The following RIMBP2 variants were observed in gnomAD, a reference collection of about 807,000 sequenced individuals.
RIMBP2 encodes the protein RIMS-binding protein 2.
A neutral mutation model predicts 118.6 loss-of-function variants in RIMBP2; 48 were observed. That is an observed-to-expected ratio of 0.40 (90% CI 0.32 to 0.51). RIMBP2 has a LOEUF of 0.51. Among genes scored for constraint, RIMBP2 ranks in the 20% least tolerant of loss-of-function variants. The pLI is 0.41. For synonymous variants in RIMBP2, 762 were observed against 742.9 expected, an observed-to-expected ratio of 1.03 and a Z score of -0.42; for missense variants, 1,551 against 1,768.3, an observed-to-expected ratio of 0.88 and a Z score of 2.20.
intron 2 of RIMBP2, among the ~76,000 whole-genome samples, chr12:130,618,508 C>G (rs1476400434): frequency 2.0e-5 from 3 of 152,108 alleles, no homozygotes; most frequent in Non-Finnish European, 4.4e-5. Context: ...CCTGAAACAT[C>G]CCGGTGTTCA....
chr12:130,703,910 G>A lies in RIMBP2; in HGVS notation c.-352+12312C>T, dbSNP rs1593041395. Among the ~76,000 whole-genome samples, 1 of 152,086 alleles carries A rather than the reference G, an allele frequency of 6.6e-6. No homozygotes were observed. Among genetic ancestry groups the A allele is most frequent in the African/African-American group, 2.4e-5 (1 of 41,418 alleles). ...AGAGGTCTGGGGCCCGACCACCCTG[G>A]GAGGCAGTGCCCCAGCTGTGCTCAC... On this transcript the variant is annotated intron_variant, in intron 1 of 22. Transcript: ENST00000690449. This position sits in a 1 kb window ranked among gnomAD's most constrained non-coding sequence, Gnocchi z 5.7.
Position 130,670,427 on chromosome 12 carries a change from C to T in RIMBP2, c.-351-41971G>A, listed in dbSNP as rs934899983. ...GTAGTCATGTGGGTTCTCATGAACA[C>T]GCCAGCCCTGCTCTCTCTCCTAGCT... On this transcript the variant is annotated intron_variant, in intron 1 of 22. Transcript: ENST00000690449. The surrounding 1 kb of genome is among the most constrained non-coding windows in gnomAD (Gnocchi z 4.9). Among the ~76,000 whole-genome samples the T allele has an allele frequency of 2.0e-5, 3 of 152,176 alleles. No individual in the cohort carries two copies. Among genetic ancestry groups the T allele is most frequent in the Admixed American group, 6.5e-5 (1 of 15,284 alleles).
chr12:130,687,096 C>T (rs553055881), intron 1 of RIMBP2, among the ~76,000 whole-genome samples: 2 of 152,238 alleles, frequency 1.3e-5, no homozygotes, highest in African/African-American at 4.8e-5. Flanking sequence ...GTCATTATAG[C>T]TTTTTTCAGG....
At chr12:130,626,139 T>C (rs890695419) in intron 2 of RIMBP2, among the ~76,000 whole-genome samples, 6 of 152,236 alleles carry the variant, frequency 3.9e-5, no homozygotes, top group Non-Finnish European at 5.9e-5. Context: ...TCTATTGTAA[T>C]GAGAAACAAA....
At chr12:130,409,931 T>C (rs1310369297) in intron 19 of RIMBP2, among the ~76,000 whole-genome samples, 1 of 152,238 alleles carries the variant, frequency 6.6e-6, no homozygotes, top group Non-Finnish European at 1.5e-5. Flanking sequence ...GTTGTTGGAT[T>C]GTATTGTAAG....
At chr12:130,694,593 A>G (rs10848187) in intron 1 of RIMBP2, among the ~76,000 whole-genome samples, 10,150 of 152,110 alleles carry the variant, frequency 0.067, 1,136 homozygotes, top group African/African-American at 0.23. Flanking sequence ...CTTCCTGGAA[A>G]GCTCCTTTCC....
chr12:130,445,108 C>A, intron 10 of RIMBP2, 52 bp downstream of exon 10: 1 of 1,199,056 alleles, frequency 8.3e-7, no homozygotes, highest in South Asian at 1.5e-5. Flanking sequence ...AGGTGGTCTG[C>A]GGGGTGGACT....
At chr12:130,604,024 G>A (rs369489875) in intron 2 of RIMBP2, among the ~76,000 whole-genome samples, 6 of 152,230 alleles carry the variant, frequency 3.9e-5, no homozygotes, top group South Asian at 4.1e-4. Context: ...CGCTCCACGC[G>A]TGCTTTGCCC....
chr12:130,572,828 G>A (rs907319745), intron 2 of RIMBP2, among the ~76,000 whole-genome samples: 1 of 152,120 alleles, frequency 6.6e-6, no homozygotes, highest in African/African-American at 2.4e-5. Flanking sequence ...ACGGGACGGG[G>A]CCAGAGGGAT....
intron 21 of RIMBP2, among the ~76,000 whole-genome samples, chr12:130,401,128 T>A (rs149045508): frequency 3.9e-5 from 6 of 152,142 alleles, no homozygotes; most frequent in Non-Finnish European, 5.9e-5. Flanking sequence ...CTTTTTTTTT[T>A]AAATTGAGAC....
At chr12:130,604,419 C>T (rs1484427150) in intron 2 of RIMBP2, among the ~76,000 whole-genome samples, 1 of 149,882 alleles carries the variant, frequency 6.7e-6, no homozygotes, top group Non-Finnish European at 1.5e-5. Context: ...GTTCAGTGTC[C>T]ATAAAGCCTA....
chr12:130,400,972 G>A (rs10848095), intron 21 of RIMBP2, among the ~76,000 whole-genome samples: 25,213 of 152,170 alleles, frequency 0.17, 2,613 homozygotes, highest in East Asian at 0.44. Flanking sequence ...CTTTTGGTGG[G>A]AAGGTGAGAT....
chr12:130,706,809 C>T (rs2066144167), intron 1 of RIMBP2, among the ~76,000 whole-genome samples: 1 of 152,178 alleles, frequency 6.6e-6, no homozygotes, highest in African/African-American at 2.4e-5. Flanking sequence ...TCCAAACAGA[C>T]TTATCACCAA....
chr12:130,428,890 G>A (rs1017454808), intron 14 of RIMBP2: 3 of 152,352 alleles, frequency 2.0e-5, no homozygotes, highest in Non-Finnish European at 4.4e-5. Context: ...AAGGTCAGGA[G>A]ATCGAGACCA....
intron 2 of RIMBP2, among the ~76,000 whole-genome samples, chr12:130,526,104 G>A (rs555588865): frequency 6.6e-6 from 1 of 152,196 alleles, no homozygotes; most frequent in Admixed American, 6.5e-5. Context: ...AGGGGTGGGG[G>A]GTTCTGGAAA....
intron 1 of RIMBP2, among the ~76,000 whole-genome samples, chr12:130,705,600 T>C (rs910705465): frequency 2.0e-5 from 3 of 152,250 alleles, no homozygotes; most frequent in African/African-American, 7.2e-5. Context: ...AGGCGTTTGC[T>C]GTGTTTCTCT....
At chr12:130,403,019 CG>C in intron 21 of RIMBP2, among the ~76,000 whole-genome samples, 1 of 152,236 alleles carries the variant, frequency 6.6e-6, no homozygotes, top group South Asian at 2.1e-4. Context: ...AGGAGTCCCT[CG>C]GGGGTCCCTG....
At chr12:130,521,991 A>T (rs1311430945) in intron 2 of RIMBP2, among the ~76,000 whole-genome samples, 1 of 152,158 alleles carries the variant, frequency 6.6e-6, no homozygotes, top group African/African-American at 2.4e-5. Flanking sequence ...CAGTCTGTGG[A>T]ATTTAATTGT....
chr12:130,577,343 C>G (rs976214941), intron 2 of RIMBP2, among the ~76,000 whole-genome samples: 1 of 152,194 alleles, frequency 6.6e-6, no homozygotes, highest in Admixed American at 6.5e-5. Flanking sequence ...TCCCTTCTCA[C>G]ACTGCTTTAA....
Sources: gnomAD v4.1 joint callset for allele counts (sites outside exome capture counted in the v4.1 genomes callset) on GRCh38, gnomAD v4.1.1 for gene constraint, Gnocchi (gnomAD v3.1) non-coding constraint, MANE v1.5 for transcripts, NCBI Gene and HGNC (gene_info 2026-07-23, HGNC 2026-07-21) for gene names.